CAND1: variants seen among roughly 807,000 people sequenced by gnomAD.
The protein encoded by CAND1 is cullin-associated NEDD8-dissociated protein 1.
CAND1 carries 7 observed loss-of-function variants against 108.5 expected under a neutral mutation model. The observed-to-expected ratio is 0.06, with a 90% CI of 0.04 to 0.12. CAND1 has a LOEUF of 0.12. Among genes scored for constraint, CAND1 ranks in the 10% least tolerant of loss-of-function variants. The pLI is 1.00. For synonymous variants in CAND1, 534 were observed against 512.0 expected (o/e 1.04, Z -0.58); for missense variants, 941 against 1,448.7 (o/e 0.65, Z 5.69).
At chr12:67,293,770 A>G (rs565580434) in intron 3 of CAND1, among the ~76,000 whole-genome samples, 28 of 152,298 alleles carry the variant, frequency 1.8e-4, no homozygotes, top group African/African-American at 6.5e-4. Flanking sequence ...AAATAAAAAA[A>G]CAAAAAAATA....
Position 67,315,918 on chromosome 12 carries a change from T to A in CAND1, c.*3088T>A, listed in dbSNP as rs2045003668. 6.6e-6 allele frequency: 1 copy of A among 152,212 alleles called. No individual in the cohort carries two copies. The highest frequency in any genetic ancestry group is 1.5e-5 in the Non-Finnish European group (1 of 68,022). 9.4% of individuals were successfully genotyped at this position (152,212 alleles called of 1,614,324 possible). On this transcript the variant is annotated 3_prime_UTR_variant, in exon 15 of 15. Transcript: ENST00000545606. ...TTGTTTATACTCCTGTAAGCTCTAG[T>A]TAGTCACAAGACAAAGTATATAGTA...
Position 67,319,001 on chromosome 12 carries a change from A to G in CAND1, c.*6171A>G, listed in dbSNP as rs557317883. ...TTATTAAAACAGATCGCTGGGCCCT[A>G]CACCCAGAGGCTGTGGTTCAGTAGG... is the stretch of plus-strand genomic sequence containing the variant. On this transcript the variant is annotated 3_prime_UTR_variant, in exon 15 of 15. Coordinates refer to ENST00000545606, the MANE Select transcript of CAND1 (RefSeq NM_018448.5). The G allele has an allele frequency of 6.6e-6, 1 of 152,332 alleles. No individual in the cohort carries two copies. The highest frequency in any genetic ancestry group is 6.5e-5 in the Admixed American group (1 of 15,294). 9.4% of individuals were successfully genotyped at this position (152,332 alleles called of 1,614,324 possible). A position where few individuals can be genotyped will look rare whatever the true frequency, so the allele number is the denominator to read the frequency against.
chr12:67,297,616 A>G lies in CAND1; in HGVS notation c.701A>G (p.Tyr234Cys). The G allele has an allele frequency of 6.2e-7, 1 of 1,614,040 alleles. No homozygotes were observed. The highest frequency in any genetic ancestry group is 8.5e-7 in the Non-Finnish European group (1 of 1,179,930). Residue 234 changes from tyrosine (Y) to cysteine (C), a missense_variant, in exon 5 of 15, where the codon TAC (tyrosine) becomes TGC (cysteine). Tyr to Cys is a radical substitution (Grantham distance 194). Coordinates refer to ENST00000545606, the MANE Select transcript of CAND1 (RefSeq NM_018448.5). The part of the protein sequence containing the change: ...KNDSMSTTRT[Y>C]IQCIAAISRQ... ...GATTCTATGTCAACAACAAGAACCT[A>G]CATACAATGTATTGCTGCTATTAGT...
At chr12:67,285,788 T>A (rs1373950934) in intron 2 of CAND1, among the ~76,000 whole-genome samples, 1 of 152,200 alleles carries the variant, frequency 6.6e-6, no homozygotes, top group Non-Finnish European at 1.5e-5. Context: ...TTACGTAGTA[T>A]GTGTTCCTGT....
intron 1 of CAND1, among the ~76,000 whole-genome samples, chr12:67,273,845 G>T (rs1265019703): frequency 6.6e-6 from 1 of 152,110 alleles, no homozygotes; most frequent in Non-Finnish European, 1.5e-5. Context: ...AAGAGCTAAA[G>T]AAAATATCAT....
intron 10 of CAND1, among the ~76,000 whole-genome samples, chr12:67,307,118 T>C (rs1011606634): frequency 6.6e-6 from 1 of 152,118 alleles, no homozygotes; most frequent in Non-Finnish European, 1.5e-5. Flanking sequence ...TGGATTTAGC[T>C]AGTTCTATTT....
intron 2 of CAND1, 68 bp downstream of exon 2, chr12:67,282,121 ATAAGTAGT>A: frequency 6.7e-7 from 1 of 1,487,066 alleles, no homozygotes; most frequent in Non-Finnish European, 9.3e-7. Flanking sequence ...AAACTCTATG[ATAAGTAGT>A]AAATTATCTT....
chr12:67,298,684 C>T (rs2044792780), intron 6 of CAND1, among the ~76,000 whole-genome samples: 2 of 152,110 alleles, frequency 1.3e-5, no homozygotes, highest in Non-Finnish European at 2.9e-5. Context: ...ATACCGATTT[C>T]TGTCTATACT....
chr12:67,309,013 A>C (rs796142189), intron 11 of CAND1, among the ~76,000 whole-genome samples: 44 of 152,104 alleles, frequency 2.9e-4, no homozygotes, highest in African/African-American at 1.1e-3. Flanking sequence ...AGATCATATA[A>C]TGATGAATAA....
chr12:67,278,492 G>A (rs2044590569), intron 1 of CAND1, among the ~76,000 whole-genome samples: 1 of 151,846 alleles, frequency 6.6e-6, no homozygotes, highest in South Asian at 2.1e-4. Flanking sequence ...CCGCAGTTCA[G>A]TCTAGGTCAT....
intron 1 of CAND1, among the ~76,000 whole-genome samples, chr12:67,273,582 G>C (rs901835118): frequency 6.6e-6 from 1 of 150,526 alleles, no homozygotes; most frequent in South Asian, 2.1e-4. Flanking sequence ...CTGGGCTCAA[G>C]CGATTTTCTT....
intron 2 of CAND1, among the ~76,000 whole-genome samples, chr12:67,291,746 T>A (rs2044724148): frequency 6.6e-6 from 1 of 152,164 alleles, no homozygotes; most frequent in Non-Finnish European, 1.5e-5. Flanking sequence ...AGGTGTGGAA[T>A]TTTCCACCAT....
chr12:67,311,674 T>C lies in CAND1; in HGVS notation c.3361-19T>C. 7.0e-7 allele frequency: 1 copy of C among 1,434,624 alleles called. No individual in the cohort carries two copies. Among genetic ancestry groups the C allele is most frequent in the Non-Finnish European group, 9.8e-7 (1 of 1,022,154 alleles). 88.9% of individuals were successfully genotyped at this position (1,434,624 alleles called of 1,614,324 possible). On this transcript the variant is annotated intron_variant, in intron 13 of 14. Transcript: ENST00000545606. ...AAAATGATGTCAAATCTAAATTCTG[T>C]CTTTTTTATTCCTAATAGATGCTGA...
rs780258639 is a variant in CAND1, at chr12:67,319,559, C to A, written c.*6729C>A. 6.6e-6 allele frequency: 1 copy of A among 152,174 alleles called. No individual in the cohort carries two copies. Among genetic ancestry groups the A allele is most frequent in the African/African-American group, 2.4e-5 (1 of 41,436 alleles). The allele number at this position is 152,174 out of a possible 1,614,324, so 9.4% of individuals were successfully genotyped here. On this transcript the variant is annotated 3_prime_UTR_variant, in exon 15 of 15. Transcript: ENST00000545606. Reference sequence around the variant, plus strand: ...TATTGTCAAATTCCTTTTAAAAGCACCTGTCTGTCTGTTAACGTTGGTGCA... The same window carrying A: ...TATTGTCAAATTCCTTTTAAAAGCAACTGTCTGTCTGTTAACGTTGGTGCA...
intron 11 of CAND1, among the ~76,000 whole-genome samples, chr12:67,307,773 A>T (rs2044903693): frequency 6.6e-6 from 1 of 152,058 alleles, no homozygotes; most frequent in Non-Finnish European, 1.5e-5. Flanking sequence ...GACCTAAGAT[A>T]GCTTTAGTGG....
intron 2 of CAND1, chr12:67,282,275 C>T (rs1054051495): frequency 1.6e-5 from 6 of 380,564 alleles, no homozygotes; most frequent in South Asian, 1.2e-4. Context: ...TTAATTCTTA[C>T]GAAGTGCATG....
Position 67,317,078 on chromosome 12 carries a change from T to A in CAND1, c.*4248T>A, listed in dbSNP as rs781034896. On this transcript the variant is annotated 3_prime_UTR_variant, in exon 15 of 15. Transcript: ENST00000545606. ...AAGGATTACATATAATGAGAAGACG[T>A]GTGGGCTGAAATACCTAGTGAACAA... is the stretch of plus-strand genomic sequence containing the variant. 2.6e-5 allele frequency: 4 copies of A among 152,202 alleles called. No individual in the cohort carries two copies. The highest frequency in any genetic ancestry group is 6.5e-5 in the Admixed American group (1 of 15,268). The allele number at this position is 152,202 out of a possible 1,614,324, so 9.4% of individuals were successfully genotyped here.
chr12:67,299,455 G>A (rs1041140960), intron 7 of CAND1, among the ~76,000 whole-genome samples: 2 of 152,040 alleles, frequency 1.3e-5, no homozygotes, highest in African/African-American at 4.8e-5. Context: ...TAGGAACTAT[G>A]TATGATTTTT....
chr12:67,305,443 G>A lies in CAND1; in HGVS notation c.1775G>A (p.Cys592Tyr). The change falls in exon 10 of 15, where the codon TGT becomes TAT. Residue 592 changes from cysteine (C) to tyrosine (Y), a missense_variant. By Grantham distance (194) the Cys-to-Tyr change is radical. Coordinates refer to ENST00000545606, the MANE Select transcript of CAND1 (RefSeq NM_018448.5). This position sits in a 1 kb window ranked among gnomAD's most constrained non-coding sequence, Gnocchi z 4.4. ...GAAGTCAAGGAAAGGGCTATTTCCT[G>A]TATGGGACAAATTATTTGCAACCTT... ...DQEVKERAIS[C>Y]MGQIICNLGD... 6.2e-7 allele frequency: 1 copy of A among 1,613,628 alleles called. No homozygotes were observed. The highest frequency in any genetic ancestry group is 8.5e-7 in the Non-Finnish European group (1 of 1,180,002).
Sources: gnomAD v4.1 joint callset for allele counts (sites outside exome capture counted in the v4.1 genomes callset) on GRCh38, gnomAD v4.1.1 for gene constraint, Gnocchi (gnomAD v3.1) non-coding constraint, MANE v1.5 for transcripts, NCBI Gene and HGNC (gene_info 2026-07-23, HGNC 2026-07-21) for gene names.